The following SGIP1 variants were observed in gnomAD, a reference collection of about 807,000 sequenced individuals.
SGIP1 encodes SH3GL interacting endocytic adaptor 1, also known as SH3-containing GRB2-like protein 3-interacting protein 1.
SGIP1 carries 38 observed loss-of-function variants against 107.5 expected under a neutral mutation model. The observed-to-expected ratio is 0.35, with a 90% CI of 0.27 to 0.46. SGIP1 has a LOEUF of 0.46. SGIP1 is among the 20% of genes least tolerant of loss of function. SGIP1 has a pLI of 1.00. For synonymous variants in SGIP1, 365 were observed against 366.1 expected, an observed-to-expected ratio of 1.00 and a Z score of 0.03; for missense variants, 929 against 1,019.5, an observed-to-expected ratio of 0.91 and a Z score of 1.21.
At chr1:66,630,879 GAAAGAAAGAAAGAAAGAAA>G (rs1558133959) in intron 2 of SGIP1, among the ~76,000 whole-genome samples, 6 of 45,950 alleles carry the variant, frequency 1.3e-4, no homozygotes, top group African/African-American at 3.3e-4. Flanking sequence ...AAGAAAGAAA[GAAAGAAAGAAAGAAAGAAA>G]GAAAGAAGGG....
intron 1 of SGIP1, among the ~76,000 whole-genome samples, chr1:66,545,214 C>T (rs1164843275): frequency 2.0e-5 from 3 of 152,220 alleles, no homozygotes; most frequent in Non-Finnish European, 4.4e-5. Context: ...CCTTAGTGTG[C>T]TGTGCAAAGC....
At chr1:66,588,418 T>C (rs1419650001) in intron 1 of SGIP1, among the ~76,000 whole-genome samples, 2 of 152,088 alleles carry the variant, frequency 1.3e-5, no homozygotes, top group East Asian at 3.9e-4. Context: ...CACTGGACTG[T>C]GGAAGAAAAG....
At chr1:66,646,415 G>A (rs1197089487) in intron 7 of SGIP1, among the ~76,000 whole-genome samples, 2 of 152,162 alleles carry the variant, frequency 1.3e-5, no homozygotes, top group Non-Finnish European at 2.9e-5. Context: ...TAATAGAAAT[G>A]AGGAAATTTC....
At chr1:66,541,715 C>T (rs2054991917) in intron 1 of SGIP1, among the ~76,000 whole-genome samples, 1 of 152,166 alleles carries the variant, frequency 6.6e-6, no homozygotes, top group Non-Finnish European at 1.5e-5. Context: ...TGTGTTTCTT[C>T]TCTTTAACAA....
chr1:66,621,694 G>A lies in SGIP1; in HGVS notation c.11-4153G>A, dbSNP rs962501230. Among the ~76,000 whole-genome samples, 6 of 152,168 alleles carry A rather than the reference G, an allele frequency of 3.9e-5. No homozygotes were observed. The South Asian group carries it at 6.2e-4, about 16-fold the overall frequency. ...GGAAATTTCATATAAATGAAATCAC[G>A]TAATACGTGGCTCTTTGCGTTTGGC... On this transcript the variant is annotated intron_variant, in intron 1 of 24. Transcript: ENST00000371037.
At chr1:66,707,216 G>T (rs1387150667) in intron 18 of SGIP1, among the ~76,000 whole-genome samples, 1 of 152,098 alleles carries the variant, frequency 6.6e-6, no homozygotes, top group Admixed American at 6.6e-5. Flanking sequence ...TTTGTCAAGT[G>T]TAGAAAAGCA....
chr1:66,608,021 GC>G (rs1028003670), intron 1 of SGIP1, among the ~76,000 whole-genome samples: 8 of 152,102 alleles, frequency 5.3e-5, no homozygotes, highest in African/African-American at 1.9e-4. Flanking sequence ...TACCCCAGAT[GC>G]CCACTCCTCA....
intron 1 of SGIP1, among the ~76,000 whole-genome samples, chr1:66,592,791 T>C (rs532287197): frequency 1.2e-4 from 18 of 152,102 alleles, no homozygotes; most frequent in Non-Finnish European, 2.2e-4. Flanking sequence ...CCTATTTTCT[T>C]CATAGTTTTA....
intron 1 of SGIP1, among the ~76,000 whole-genome samples, chr1:66,559,026 G>A (rs1384952153): frequency 6.6e-6 from 1 of 152,026 alleles, no homozygotes; most frequent in Admixed American, 6.6e-5. Context: ...GGAGAAGGAT[G>A]CTAAGCAAAC....
In SGIP1 at chr1:66,745,963, T is replaced by G. The variant is rs1305555393; in HGVS notation, c.*2868T>G. 6.6e-6 allele frequency: 1 copy of G among 152,144 alleles called. No homozygotes were observed. Among genetic ancestry groups the G allele is most frequent in the Non-Finnish European group, 1.5e-5 (1 of 67,976 alleles). 9.4% of individuals were successfully genotyped at this position (152,144 alleles called of 1,614,324 possible). A position where few individuals can be genotyped will look rare whatever the true frequency, so the allele number is the denominator to read the frequency against. ...TTCTTCTCTACACCCACAGCCAAAA[T>G]GGAAATTCACTGTATGGTATTTGGG... On this transcript the variant is annotated 3_prime_UTR_variant, in exon 25 of 25. Coordinates refer to ENST00000371037, the MANE Select transcript of SGIP1 (RefSeq NM_032291.4).
At chr1:66,641,902 G>C (rs1164372765) in intron 5 of SGIP1, among the ~76,000 whole-genome samples, 1 of 152,038 alleles carries the variant, frequency 6.6e-6, no homozygotes, top group South Asian at 2.1e-4. Context: ...TGACTGATCT[G>C]TTACCAAGAA....
chr1:66,602,663 T>TA (rs960130271), intron 1 of SGIP1, among the ~76,000 whole-genome samples: 20 of 151,610 alleles, frequency 1.3e-4, no homozygotes, highest in African/African-American at 4.3e-4. Context: ...AATAAATAAA[T>TA]AAAAAGAAAT....
chr1:66,566,101 G>A (rs1052605114), intron 1 of SGIP1, among the ~76,000 whole-genome samples: 4 of 151,968 alleles, frequency 2.6e-5, no homozygotes, highest in African/African-American at 9.7e-5. Context: ...CTTTTATTGG[G>A]AGAAATTAAC....
At chr1:66,562,186 CAGACAGGGT>C in intron 1 of SGIP1, among the ~76,000 whole-genome samples, 1 of 152,082 alleles carries the variant, frequency 6.6e-6, no homozygotes, top group East Asian at 1.9e-4. Context: ...GAGTATATGA[CAGACAGGGT>C]AGACATGGTC....
intron 1 of SGIP1, among the ~76,000 whole-genome samples, chr1:66,592,218 A>G (rs1385033474): frequency 6.6e-6 from 1 of 152,162 alleles, no homozygotes; most frequent in African/African-American, 2.4e-5. Context: ...GAAACCTTGG[A>G]CAATACCTGG....
At chr1:66,709,125 G>T (rs945507183) in intron 18 of SGIP1, among the ~76,000 whole-genome samples, 1 of 151,960 alleles carries the variant, frequency 6.6e-6, no homozygotes. Context: ...GTGGTTTGCT[G>T]TACCCATCAA....
At chr1:66,678,237 T>C (rs1214525892) in intron 13 of SGIP1, among the ~76,000 whole-genome samples, 1 of 152,228 alleles carries the variant, frequency 6.6e-6, no homozygotes, top group Non-Finnish European at 1.5e-5. Flanking sequence ...ACCTGAGCTA[T>C]GCAAGTGATC....
At chr1:66,534,424 C>A in intron 1 of SGIP1, 56 bp downstream of exon 1, 1 of 1,600,352 alleles carries the variant, frequency 6.2e-7, no homozygotes, top group Non-Finnish European at 8.6e-7. Context: ...GGCAGAACAG[C>A]ATTAAAGAAT....
Position 66,680,204 on chromosome 1 carries a change from G to A in SGIP1, c.814+452G>A, listed in dbSNP as rs567977011. Among the ~76,000 whole-genome samples the A allele has an allele frequency of 1.6e-4, 25 of 152,282 alleles. No homozygotes were observed. In the South Asian group the frequency reaches 4.6e-3, roughly 28 times the overall value. On this transcript the variant is annotated intron_variant, in intron 14 of 24. Transcript: ENST00000371037. ...GGTTCCCAGGGTGTGCAGCATACTGGTGGTGGGGAAATTCTTTTTCATTCA... is the reference window on the plus strand; with the variant it reads ...GGTTCCCAGGGTGTGCAGCATACTGATGGTGGGGAAATTCTTTTTCATTCA...
Sources: gnomAD v4.1 joint callset for allele counts (sites outside exome capture counted in the v4.1 genomes callset) on GRCh38, gnomAD v4.1.1 for gene constraint, MANE v1.5 for transcripts, NCBI Gene and HGNC (gene_info 2026-07-23, HGNC 2026-07-21) for gene names.